WSCD2: variants seen among roughly 807,000 people sequenced by gnomAD.
The protein encoded by WSCD2 is sialate:O-sulfotransferase 2.
WSCD2 carries 28 observed loss-of-function variants against 55.7 expected under a neutral mutation model. The ratio of observed to expected loss-of-function variants is 0.50; its 90% CI spans 0.37 to 0.69. WSCD2 has a LOEUF of 0.69. WSCD2 is among the 30% of genes least tolerant of loss of function. The pLI is 0.00. For missense variants in WSCD2, 616 were observed against 762.1 expected (o/e 0.81, Z 2.26); for synonymous variants, 301 against 301.9 (o/e 1.00, Z 0.03).
chr12:108,244,583 T>G (rs1199287837), intron 8 of WSCD2: 10 of 702,506 alleles, frequency 1.4e-5, no homozygotes, highest in Non-Finnish European at 2.1e-5. Context: ...CTGTAGGAGG[T>G]AGGTCTTATC....
chr12:108,162,535 A>C (rs1879182262), intron 1 of WSCD2, among the ~76,000 whole-genome samples: 1 of 152,116 alleles, frequency 6.6e-6, no homozygotes, highest in Non-Finnish European at 1.5e-5. Flanking sequence ...AAAAAAATCT[A>C]TTTCTTTCTG....
intron 2 of WSCD2, among the ~76,000 whole-genome samples, chr12:108,204,699 TC>T (rs1885115513): frequency 6.6e-6 from 1 of 152,216 alleles, no homozygotes; most frequent in Non-Finnish European, 1.5e-5. Flanking sequence ...CTGTTCTTAG[TC>T]CAGCAAATCA....
intron 3 of WSCD2, among the ~76,000 whole-genome samples, chr12:108,208,139 G>A (rs1464166188): frequency 6.6e-6 from 1 of 152,186 alleles, no homozygotes; most frequent in African/African-American, 2.4e-5. Context: ...TCCAGGTGCT[G>A]GAGATGAAGA....
intron 7 of WSCD2, among the ~76,000 whole-genome samples, chr12:108,240,129 C>A (rs931535578): frequency 6.6e-6 from 1 of 152,178 alleles, no homozygotes; most frequent in East Asian, 1.9e-4. Context: ...CAGGAAGACT[C>A]GTGAATATTT....
intron 2 of WSCD2, among the ~76,000 whole-genome samples, chr12:108,198,131 T>G (rs374135822): frequency 6.6e-6 from 1 of 151,956 alleles, no homozygotes; most frequent in Non-Finnish European, 1.5e-5. Flanking sequence ...ATCTCATTTA[T>G]GTGTTTGCCT....
At chr12:108,138,562 G>A (rs1268108711) in intron 1 of WSCD2, among the ~76,000 whole-genome samples, 1 of 152,180 alleles carries the variant, frequency 6.6e-6, no homozygotes, top group East Asian at 1.9e-4. Context: ...CTTATGTAGA[G>A]TAAGTACTCA....
At chr12:108,201,120 G>A (rs1424421529) in intron 2 of WSCD2, among the ~76,000 whole-genome samples, 2 of 152,196 alleles carry the variant, frequency 1.3e-5, no homozygotes, top group Admixed American at 1.3e-4. Flanking sequence ...CACACTGGGT[G>A]GCTTGAACAA....
chr12:108,236,191 G>A (rs979100812), intron 7 of WSCD2, among the ~76,000 whole-genome samples: 2 of 152,156 alleles, frequency 1.3e-5, no homozygotes, highest in Non-Finnish European at 2.9e-5. Context: ...CCAACTTGCT[G>A]GATGGCTGGA....
Position 108,196,298 on chromosome 12 carries a change from A to G in WSCD2, c.382+84A>G, listed in dbSNP as rs1394745668. The G allele has an allele frequency of 3.4e-6, 5 of 1,460,240 alleles. No individual in the cohort carries two copies. In the African/African-American group the frequency reaches 4.3e-5, roughly 12 times the overall value. 90.5% of individuals were successfully genotyped at this position (1,460,240 alleles called of 1,614,324 possible). On this transcript the variant is annotated intron_variant, in intron 2 of 8. Transcript: ENST00000547525. ...AATGTAATAACAGCTGTCAGTTTTC[A>G]GTGTTTAATAGGAACCAGCTGTCAT... is the stretch of plus-strand genomic sequence containing the variant.
At chr12:108,160,055 T>TA (rs1242821883) in intron 1 of WSCD2, among the ~76,000 whole-genome samples, 1 of 152,162 alleles carries the variant, frequency 6.6e-6, no homozygotes, top group Non-Finnish European at 1.5e-5. Context: ...GCTTCATAGT[T>TA]AATTTAGGAT....
chr12:108,224,720 C>T lies in WSCD2; in HGVS notation c.683-19C>T, dbSNP rs1593078113. On this transcript the variant is annotated intron_variant, in intron 4 of 8. Transcript: ENST00000547525. ...ACTCCTTGTATATCTGACTAGTCCT[C>T]TTCTCTCTGGCTCTTCAGATGGAAG... The T allele has an allele frequency of 6.2e-7, 1 of 1,609,404 alleles. No homozygotes were observed.
chr12:108,143,907 G>A (rs1242722363), intron 1 of WSCD2, among the ~76,000 whole-genome samples: 1 of 152,158 alleles, frequency 6.6e-6, no homozygotes, highest in Non-Finnish European at 1.5e-5. Context: ...ATGCCTCCAG[G>A]ACAGGTGGGT....
In WSCD2 at chr12:108,248,938, A is replaced by G; in HGVS notation, c.*595A>G. 1.0e-6 allele frequency: 1 copy of G among 986,152 alleles called. No individual in the cohort carries two copies. Among genetic ancestry groups the G allele is most frequent in the Non-Finnish European group, 1.2e-6 (1 of 830,004 alleles). The allele number at this position is 986,152 out of a possible 1,614,324, so 61.1% of individuals were successfully genotyped here. ...AGTGTGGGGAGGTAATGGTGCTCACAGTAGGTTAATTGGAGACACCATGTG... is the reference window on the plus strand; with the variant it reads ...AGTGTGGGGAGGTAATGGTGCTCACGGTAGGTTAATTGGAGACACCATGTG... On this transcript the variant is annotated 3_prime_UTR_variant, in exon 9 of 9. Coordinates refer to ENST00000547525, the MANE Select transcript of WSCD2 (RefSeq NM_014653.4). This position sits in a 1 kb window ranked among gnomAD's most constrained non-coding sequence, Gnocchi z 4.3.
At chr12:108,165,160 G>A (rs1486256998) in intron 1 of WSCD2, among the ~76,000 whole-genome samples, 1 of 152,088 alleles carries the variant, frequency 6.6e-6, no homozygotes, top group Non-Finnish European at 1.5e-5. Flanking sequence ...CTGATTAAAG[G>A]GCTTCAAATT....
intron 4 of WSCD2, among the ~76,000 whole-genome samples, chr12:108,211,630 C>CATATATATATATATATAT (rs56944563): frequency 1.2e-4 from 16 of 138,530 alleles, no homozygotes; most frequent in African/African-American, 4.1e-4. Flanking sequence ...TTTCAAATCC[C>CATATATATATATATATAT]ATATATATAT....
intron 1 of WSCD2, among the ~76,000 whole-genome samples, chr12:108,181,259 C>T (rs914878113): frequency 2.6e-5 from 4 of 152,160 alleles, no homozygotes; most frequent in East Asian, 1.9e-4. Flanking sequence ...CCCACCCCGG[C>T]GGATTTATTC....
chr12:108,152,080 A>C (rs1032979426), intron 1 of WSCD2, among the ~76,000 whole-genome samples: 6 of 152,188 alleles, frequency 3.9e-5, no homozygotes, highest in African/African-American at 1.4e-4. Context: ...GAGGGCATTT[A>C]GCTGCACTCT....
At chr12:108,228,346 G>GTATCATCCCCACTT (rs1251728631) in intron 6 of WSCD2, among the ~76,000 whole-genome samples, 1 of 152,206 alleles carries the variant, frequency 6.6e-6, no homozygotes, top group Non-Finnish European at 1.5e-5. Flanking sequence ...GATCAGGGCA[G>GTATCATCCCCACTT]TATCATCCCC....
intron 1 of WSCD2, among the ~76,000 whole-genome samples, chr12:108,194,837 T>A (rs1412139178): frequency 6.6e-6 from 1 of 152,134 alleles, no homozygotes; most frequent in African/African-American, 2.4e-5. Flanking sequence ...TCACTGAGTG[T>A]TTGTTGGGAA....
Sources: gnomAD v4.1 joint callset for allele counts (sites outside exome capture counted in the v4.1 genomes callset) on GRCh38, gnomAD v4.1.1 for gene constraint, Gnocchi (gnomAD v3.1) non-coding constraint, MANE v1.5 for transcripts, NCBI Gene and HGNC (gene_info 2026-07-23, HGNC 2026-07-21) for gene names.